The following CAMTA1 variants were observed in gnomAD, a reference collection of about 807,000 sequenced individuals.
The protein encoded by CAMTA1 is calmodulin-binding transcription activator 1.
CAMTA1 carries 27 observed loss-of-function variants against 170.9 expected under a neutral mutation model. The ratio of observed to expected loss-of-function variants is 0.16; its 90% CI spans 0.12 to 0.22. CAMTA1 has a LOEUF of 0.22. Ranked by LOEUF, CAMTA1 falls within the 10% of genes least tolerant of loss-of-function variation. The pLI is 1.00. For synonymous variants in CAMTA1, 833 were observed against 891.5 expected, an observed-to-expected ratio of 0.93 and a Z score of 1.17; for missense variants, 1,619 against 2,217.2, an observed-to-expected ratio of 0.73 and a Z score of 5.42.
In CAMTA1 at chr1:6,843,179, C is replaced by T. The variant is rs188870290; in HGVS notation, c.234+17969C>T. Among the ~76,000 whole-genome samples, 53 of 152,258 alleles carry T rather than the reference C, an allele frequency of 3.5e-4. 1 individual carries two copies. Among genetic ancestry groups the T allele is most frequent in the African/African-American group, 1.2e-3 (51 of 41,550 alleles). On this transcript the variant is annotated intron_variant, in intron 3 of 22. Transcript: ENST00000303635. ...TTCCTTTCTGAATAGCCTAATATGA[C>T]GAAGCAGCTATTTGTAACATGTGGG...
At chr1:7,151,646 C>A (rs1646585590) in intron 4 of CAMTA1, among the ~76,000 whole-genome samples, 2 of 152,196 alleles carry the variant, frequency 1.3e-5, no homozygotes, top group South Asian at 4.1e-4. Context: ...CAGACAGGGA[C>A]CCCCAGTGCT....
chr1:7,370,931 AG>A (rs2150053218), intron 5 of CAMTA1, among the ~76,000 whole-genome samples: 1 of 113,568 alleles, frequency 8.8e-6, no homozygotes, highest in Non-Finnish European at 1.7e-5. Context: ...TTTTTTTTTG[AG>A]ACGGAGTCTC....
chr1:7,553,220 TGAATGAATGAGGGAATGAATGAATGAGG>T (rs1477625298), intron 6 of CAMTA1, among the ~76,000 whole-genome samples: 2 of 13,576 alleles, frequency 1.5e-4, no homozygotes, highest in African/African-American at 8.7e-4. Flanking sequence ...AATAAGTGAG[TGAATGAATGAGGGAATGAATGAATGAGG>T]GAATGAATGA....
intron 3 of CAMTA1, among the ~76,000 whole-genome samples, chr1:6,844,168 A>T (rs1657005098): frequency 6.6e-6 from 1 of 152,224 alleles, no homozygotes; most frequent in Non-Finnish European, 1.5e-5. Flanking sequence ...TTCTGTATAC[A>T]GGTTCAAAAC....
At chr1:7,553,227 AT>A (rs2094830416) in intron 6 of CAMTA1, among the ~76,000 whole-genome samples, 2 of 13,056 alleles carry the variant, frequency 1.5e-4, no homozygotes, top group African/African-American at 1.6e-3. Context: ...GAGTGAATGA[AT>A]GAGGGAATGA....
At chr1:7,620,303 C>T (rs192506983) in intron 6 of CAMTA1, among the ~76,000 whole-genome samples, 10 of 152,308 alleles carry the variant, frequency 6.6e-5, no homozygotes, top group African/African-American at 1.9e-4. Context: ...CTCTATTGCA[C>T]GGCACAGCCC....
At chr1:7,170,846 T>A (rs1649451432) in intron 4 of CAMTA1, among the ~76,000 whole-genome samples, 1 of 152,228 alleles carries the variant, frequency 6.6e-6, no homozygotes, top group African/African-American at 2.4e-5. Context: ...TTCATTGTTA[T>A]TTGGACAATA....
At chr1:6,999,130 T>C (rs1383763712) in intron 3 of CAMTA1, among the ~76,000 whole-genome samples, 2 of 152,214 alleles carry the variant, frequency 1.3e-5, no homozygotes, top group African/African-American at 4.8e-5. Flanking sequence ...CTTCCCACTC[T>C]GTGTTCCCAG....
At chr1:7,742,735 A>G (rs1209137611) in intron 16 of CAMTA1, among the ~76,000 whole-genome samples, 2 of 152,204 alleles carry the variant, frequency 1.3e-5, no homozygotes, top group African/African-American at 4.8e-5. Flanking sequence ...TACTTTTAAT[A>G]TATTTGAATA....
chr1:6,847,571 C>G (rs1013801494), intron 3 of CAMTA1, among the ~76,000 whole-genome samples: 3 of 150,842 alleles, frequency 2.0e-5, no homozygotes, highest in Non-Finnish European at 4.4e-5. Flanking sequence ...CAGAGTCTTA[C>G]CCTGTCACCC....
At chr1:6,902,065 AC>A (rs1557793126) in intron 3 of CAMTA1, among the ~76,000 whole-genome samples, 6 of 111,402 alleles carry the variant, frequency 5.4e-5, no homozygotes, top group East Asian at 2.3e-4. Flanking sequence ...ACACACACAC[AC>A]ACACACAAAA....
chr1:7,463,016 C>T lies in CAMTA1; in HGVS notation c.439-4814C>T, dbSNP rs1725230. On this transcript the variant is annotated intron_variant, in intron 5 of 22. Coordinates refer to ENST00000303635, the MANE Select transcript of CAMTA1 (RefSeq NM_015215.4). This position sits in a 1 kb window ranked among gnomAD's most constrained non-coding sequence, Gnocchi z 4.7. The stretch of plus-strand genomic sequence containing the variant: ...CTGGACTCCAGCTGAGCGGGGTCTT[C>T]GGAGGCAGCACAGGGAGGTTGTCCT... Among the ~76,000 whole-genome samples the T allele has an allele frequency of 0.55, 83,655 of 152,120 alleles. 23,840 individuals carry two copies. The highest frequency in any genetic ancestry group is 0.66 in the African/African-American group (27,330 of 41,518).
chr1:6,836,266 CA>C (rs1653061409), intron 3 of CAMTA1, among the ~76,000 whole-genome samples: 1 of 152,132 alleles, frequency 6.6e-6, no homozygotes, highest in Non-Finnish European at 1.5e-5. Context: ...GAAGAAACAA[CA>C]AAAAGAAATC....
chr1:7,449,965 G>A (rs1460765008), intron 5 of CAMTA1, among the ~76,000 whole-genome samples: 1 of 152,054 alleles, frequency 6.6e-6, no homozygotes, highest in African/African-American at 2.4e-5. Context: ...GGGGGTAGGA[G>A]GGAGGAGAGG....
At chr1:7,492,692 T>C (rs1343246522) in intron 6 of CAMTA1, among the ~76,000 whole-genome samples, 4 of 112,132 alleles carry the variant, frequency 3.6e-5, no homozygotes, top group African/African-American at 7.6e-5. Context: ...AACACAAACC[T>C]ACAAACACAC....
intron 4 of CAMTA1, among the ~76,000 whole-genome samples, chr1:7,230,432 A>ACCCCCCCCCCCCCCCCCCCCCCCC (rs66934266): frequency 2.6e-5 from 1 of 38,218 alleles, no homozygotes; most frequent in African/African-American, 1.7e-4. Context: ...CTCTGGGCTG[A>ACCCCCCCCCCCCCCCCCCCCCCCC]CCCCCCCCCC....
intron 3 of CAMTA1, among the ~76,000 whole-genome samples, chr1:7,059,454 CA>C (rs1707875620): frequency 6.6e-6 from 1 of 151,980 alleles, no homozygotes. Flanking sequence ...CCCATCTCTA[CA>C]AAAGATTTTT....
rs531919675 is a variant in CAMTA1 at position 7,465,316 on chromosome 1, G to A, written c.439-2514G>A. Among the ~76,000 whole-genome samples, 357 of 152,312 alleles carry A rather than the reference G, an allele frequency of 2.3e-3. 2 individuals are homozygous for A. Among genetic ancestry groups the A allele is most frequent in the South Asian group, 9.9e-3 (48 of 4,826 alleles). ...GTAGCCCAGTGTGCTGAGCCAGGCA[G>A]CATGGAAGGGGTCCCATTCCCTGTG... On this transcript the variant is annotated intron_variant, in intron 5 of 22. Coordinates refer to ENST00000303635, the MANE Select transcript of CAMTA1 (RefSeq NM_015215.4).
intron 6 of CAMTA1, among the ~76,000 whole-genome samples, chr1:7,511,014 T>C (rs2094195184): frequency 6.9e-6 from 1 of 144,390 alleles, no homozygotes; most frequent in Admixed American, 6.9e-5. Context: ...CTCTTTAAAC[T>C]CTCCGTGTGT....
Sources: gnomAD v4.1 joint callset for allele counts (sites outside exome capture counted in the v4.1 genomes callset) on GRCh38, gnomAD v4.1.1 for gene constraint, Gnocchi (gnomAD v3.1) non-coding constraint, MANE v1.5 for transcripts, NCBI Gene and HGNC (gene_info 2026-07-23, HGNC 2026-07-21) for gene names.